Variants in PARD3B observed in about 807,000 individuals in gnomAD.
The protein encoded by PARD3B is partitioning defective 3 homolog B.
PARD3B carries 103 observed loss-of-function variants against 130.2 expected under a neutral mutation model. That is an observed-to-expected ratio of 0.79 (90% CI 0.67 to 0.93). The LOEUF is 0.93. Among genes scored for constraint, PARD3B ranks in the 40% least tolerant of loss-of-function variants. The pLI is 0.00. For missense variants in PARD3B, 1,609 were observed against 1,499.2 expected (o/e 1.07, Z -1.21); for synonymous variants, 583 against 553.2 (o/e 1.05, Z -0.76).
At chr2:204,739,870 AAAGCTTCTC>A (rs2039922897) in intron 2 of PARD3B, among the ~76,000 whole-genome samples, 1 of 152,116 alleles carries the variant, frequency 6.6e-6, no homozygotes, top group South Asian at 2.1e-4. Flanking sequence ...TTTTAAGAAT[AAAGCTTCTC>A]AGCTTTATTT....
intron 2 of PARD3B, among the ~76,000 whole-genome samples, chr2:204,827,812 A>G (rs879918089): frequency 1.3e-5 from 2 of 152,348 alleles, no homozygotes; most frequent in African/African-American, 2.4e-5. Flanking sequence ...TTGAAGTGCT[A>G]TCTTCGTTCC....
intron 2 of PARD3B, among the ~76,000 whole-genome samples, chr2:204,841,017 ATTCT>A (rs759069303): frequency 1.4e-3 from 208 of 152,202 alleles, no homozygotes; most frequent in Non-Finnish European, 1.3e-3. Flanking sequence ...ACATAATTTG[ATTCT>A]TTCTTTCTTT....
At chr2:204,788,597 G>A (rs2042092538) in intron 2 of PARD3B, among the ~76,000 whole-genome samples, 1 of 152,150 alleles carries the variant, frequency 6.6e-6, no homozygotes, top group African/African-American at 2.4e-5. Context: ...CTTTAAGATA[G>A]AAAAATGTGT....
intron 4 of PARD3B, among the ~76,000 whole-genome samples, chr2:205,073,428 T>G (rs1409678920): frequency 1.3e-5 from 2 of 152,092 alleles, no homozygotes; most frequent in African/African-American, 4.8e-5. Context: ...AAAACTGAAA[T>G]AAAATTAAAT....
rs2041434542 is a variant in PARD3B at position 205,287,344 on chromosome 2, A to G, written c.2186-13186A>G. ...TAAAATGTTCAGAGGAACATCCACA[A>G]AGAAATGTAGCTGCACCCAGGGTCT... is the stretch of plus-strand genomic sequence containing the variant. On this transcript the variant is annotated intron_variant, in intron 16 of 22. Coordinates refer to ENST00000406610, the MANE Select transcript of PARD3B (RefSeq NM_001302769.2). This position sits in a 1 kb window ranked among gnomAD's most constrained non-coding sequence, Gnocchi z 4.8. Among the ~76,000 whole-genome samples, 1 of 152,246 alleles carries G rather than the reference A, an allele frequency of 6.6e-6. No homozygotes were observed. Among genetic ancestry groups the G allele is most frequent in the Non-Finnish European group, 1.5e-5 (1 of 68,050 alleles).
At position 205,094,332 on chromosome 2, in the gene PARD3B, A is replaced by G. The variant is rs181462095; in HGVS notation, c.505-10094A>G. Among the ~76,000 whole-genome samples the G allele has an allele frequency of 1.6e-3, 242 of 152,272 alleles. 1 individual carries two copies. Among genetic ancestry groups the G allele is most frequent in the African/African-American group, 5.7e-3 (237 of 41,578 alleles). On this transcript the variant is annotated intron_variant, in intron 4 of 22. Coordinates refer to ENST00000406610, the MANE Select transcript of PARD3B (RefSeq NM_001302769.2). ...ACAGATGCACATGGCAAAGTCAGGAAGGTTTGAGTCTGGGTGAGAAGAGGG... is the reference window on the plus strand; with the variant it reads ...ACAGATGCACATGGCAAAGTCAGGAGGGTTTGAGTCTGGGTGAGAAGAGGG...
chr2:204,740,681 A>T (rs2039971598), intron 2 of PARD3B, among the ~76,000 whole-genome samples: 1 of 152,166 alleles, frequency 6.6e-6, no homozygotes, highest in Non-Finnish European at 1.5e-5. Context: ...GGCTGAGCTC[A>T]GCTGGGGCTG....
chr2:205,076,302 G>A (rs1701059258), intron 4 of PARD3B, among the ~76,000 whole-genome samples: 1 of 152,144 alleles, frequency 6.6e-6, no homozygotes, highest in African/African-American at 2.4e-5. Context: ...TAATCTGGCT[G>A]GTGACTTCAA....
At chr2:204,576,888 A>G (rs1440973494) in intron 1 of PARD3B, among the ~76,000 whole-genome samples, 1 of 152,206 alleles carries the variant, frequency 6.6e-6, no homozygotes, top group African/African-American at 2.4e-5. Flanking sequence ...ATACTGAGCA[A>G]TTACTGTGAA....
chr2:205,324,979 A>G (rs572423474), intron 18 of PARD3B, among the ~76,000 whole-genome samples: 6 of 152,280 alleles, frequency 3.9e-5, no homozygotes, highest in East Asian at 1.9e-4. Flanking sequence ...GTGAAGACCA[A>G]TCCATCAATT....
At chr2:204,977,497 C>A (rs759940815) in intron 3 of PARD3B, among the ~76,000 whole-genome samples, 14 of 152,112 alleles carry the variant, frequency 9.2e-5, no homozygotes, top group Non-Finnish European at 1.9e-4. Context: ...ATGAGACACC[C>A]ATGTTCTGAA....
Position 205,187,186 on chromosome 2 carries a change from C to G in PARD3B, c.2024+1323C>G, listed in dbSNP as rs1325016495. Among the ~76,000 whole-genome samples, 1 of 152,082 alleles carries G rather than the reference C, an allele frequency of 6.6e-6. No individual in the cohort carries two copies. The highest frequency in any genetic ancestry group is 1.5e-5 in the Non-Finnish European group (1 of 68,022). On this transcript the variant is annotated intron_variant, in intron 14 of 22. Transcript: ENST00000406610. This position sits in a 1 kb window ranked among gnomAD's most constrained non-coding sequence, Gnocchi z 4.9. ...GGTAAAAGTGTCATTTGAGCTGAAC[C>G]CTAACTCATGAATAGCAGGTGGACA...
chr2:205,022,653 A>G (rs1696705253), intron 3 of PARD3B, among the ~76,000 whole-genome samples: 1 of 152,218 alleles, frequency 6.6e-6, no homozygotes, highest in Non-Finnish European at 1.5e-5. Flanking sequence ...TGCTAACTTC[A>G]AGCCAGTGTT....
intron 22 of PARD3B, among the ~76,000 whole-genome samples, chr2:205,559,284 A>G (rs889392126): frequency 5.3e-5 from 8 of 152,178 alleles, no homozygotes; most frequent in Non-Finnish European, 8.8e-5. Flanking sequence ...AGCTGGGACT[A>G]CAGGCACGCA....
chr2:205,119,593 A>G (rs1380473104), intron 7 of PARD3B, among the ~76,000 whole-genome samples: 1 of 152,114 alleles, frequency 6.6e-6, no homozygotes, highest in Non-Finnish European at 1.5e-5. Context: ...CAACTGGCCA[A>G]TATGGTGAAA....
chr2:205,562,742 A>G lies in PARD3B; in HGVS notation c.3260+9339A>G, dbSNP rs372467153. ...TTTCCTATCTTATTGCCATTCCACC[A>G]TCTGCCTCCTAATGCTCATTGCCCT... On this transcript the variant is annotated intron_variant, in intron 22 of 22. Transcript: ENST00000406610. The surrounding 1 kb of genome is among the most constrained non-coding windows in gnomAD (Gnocchi z 5.4). 2.6e-5 allele frequency among the ~76,000 whole-genome samples: 4 copies of G among 152,080 alleles called. No individual in the cohort carries two copies. Among genetic ancestry groups the G allele is most frequent in the Non-Finnish European group, 5.9e-5 (4 of 68,032 alleles).
At chr2:204,912,485 A>T (rs2047275841) in intron 2 of PARD3B, among the ~76,000 whole-genome samples, 1 of 152,194 alleles carries the variant, frequency 6.6e-6, no homozygotes, top group Non-Finnish European at 1.5e-5. Context: ...CTCCAAGAAG[A>T]TATCTCTTTT....
chr2:204,842,929 G>T (rs568207162), intron 2 of PARD3B, among the ~76,000 whole-genome samples: 25 of 152,192 alleles, frequency 1.6e-4, no homozygotes, highest in Middle Eastern at 3.4e-3. Context: ...CATTTTGCTA[G>T]ACTTGGCAAA....
chr2:205,471,711 A>G (rs1307297684), intron 20 of PARD3B, among the ~76,000 whole-genome samples: 3 of 152,352 alleles, frequency 2.0e-5, no homozygotes, highest in African/African-American at 4.8e-5. Context: ...GATACTCACT[A>G]GAAAATACCT....
Sources: allele counts gnomAD v4.1 joint callset (sites outside exome capture counted in the v4.1 genomes callset), GRCh38; gene constraint gnomAD v4.1.1; non-coding constraint Gnocchi (gnomAD v3.1); transcripts MANE v1.5; gene names NCBI Gene and HGNC (gene_info 2026-07-23, HGNC 2026-07-21).